Variants in PMEPA1 observed in about 807,000 individuals in gnomAD.
PMEPA1 encodes protein TMEPAI.
PMEPA1 carries 11 observed loss-of-function variants against 23.0 expected under a neutral mutation model. The ratio of observed to expected loss-of-function variants is 0.48; its 90% CI spans 0.30 to 0.79. The LOEUF is 0.79. PMEPA1 is among the 30% of genes least tolerant of loss of function. PMEPA1 has a pLI of 0.06. For missense variants in PMEPA1, 377 were observed against 390.9 expected (o/e 0.96, Z 0.30); for synonymous variants, 204 against 166.4 (o/e 1.23, Z -1.74).
intron 2 of PMEPA1, among the ~76,000 whole-genome samples, chr20:57,657,269 C>T (rs1057314773): frequency 2.0e-5 from 3 of 152,196 alleles, no homozygotes; most frequent in Admixed American, 2.0e-4. Flanking sequence ...AAGGTGAGTC[C>T]AGCCTGGAGT....
At chr20:57,659,786 C>A (rs1269641364) in intron 1 of PMEPA1, 89 bp from the exon 2 acceptor site, 2 of 1,282,672 alleles carry the variant, frequency 1.6e-6, no homozygotes, top group African/African-American at 1.5e-5. Flanking sequence ...TTTCACCCAC[C>A]TAGGGGGACG....
intron 1 of PMEPA1, among the ~76,000 whole-genome samples, chr20:57,699,223 G>A (rs556720735): frequency 1.1e-4 from 17 of 152,290 alleles, no homozygotes; most frequent in Admixed American, 7.8e-4. Flanking sequence ...GCAGCTTGAT[G>A]CAAGAAGGAG....
rs141687519 is a variant in PMEPA1, at chr20:57,663,509, C to T, written c.110-3812G>A. Among the ~76,000 whole-genome samples, 574 of 152,322 alleles carry T rather than the reference C, an allele frequency of 3.8e-3. 1 individual carries two copies. Among genetic ancestry groups the T allele is most frequent in the Middle Eastern group, 0.01 (3 of 294 alleles). ...TGCTCCCTGGAGGTGGACCCAGACACGGGATGCTCAATTCCATCCTGGCTC... is the reference window on the plus strand; with the variant it reads ...TGCTCCCTGGAGGTGGACCCAGACATGGGATGCTCAATTCCATCCTGGCTC... On this transcript the variant is annotated intron_variant, in intron 1 of 3. Coordinates refer to ENST00000341744, the MANE Select transcript of PMEPA1 (RefSeq NM_020182.5).
intron 2 of PMEPA1, among the ~76,000 whole-genome samples, chr20:57,654,507 C>T (rs908797994): frequency 3.9e-5 from 6 of 152,064 alleles, no homozygotes; most frequent in Non-Finnish European, 8.8e-5. Flanking sequence ...CGCTCCTACC[C>T]CTTAAGGAGG....
chr20:57,707,625 G>A (rs1452865299), intron 1 of PMEPA1, among the ~76,000 whole-genome samples: 1 of 151,462 alleles, frequency 6.6e-6, no homozygotes, highest in Non-Finnish European at 1.5e-5. Context: ...GCCTAAGAAA[G>A]GACAGAAATA....
At chr20:57,692,317 C>T (rs2071892845) in intron 1 of PMEPA1, among the ~76,000 whole-genome samples, 1 of 152,238 alleles carries the variant, frequency 6.6e-6, no homozygotes, top group South Asian at 2.1e-4. Flanking sequence ...GTGTGGCCTC[C>T]CCTGGACTTG....
chr20:57,675,819 C>T (rs1025723379), intron 1 of PMEPA1, among the ~76,000 whole-genome samples: 6 of 152,148 alleles, frequency 3.9e-5, no homozygotes, highest in Admixed American at 1.3e-4. Flanking sequence ...TGTCTGTCTC[C>T]GGTGTGTGAC....
Position 57,655,783 on chromosome 20 carries a change from A to G in PMEPA1, c.265-2697T>C, listed in dbSNP as rs2071318374. On this transcript the variant is annotated intron_variant, in intron 2 of 3. Coordinates refer to ENST00000341744, the MANE Select transcript of PMEPA1 (RefSeq NM_020182.5). The surrounding 1 kb of genome is among the most constrained non-coding windows in gnomAD (Gnocchi z 4.2). ...CAGTCCACCTGCGCCTTCCCCATTT[A>G]GATGCTTCTAGACCAAGGGTCTGAA... is the stretch of plus-strand genomic sequence containing the variant. Among the ~76,000 whole-genome samples, 1 of 152,196 alleles carries G rather than the reference A, an allele frequency of 6.6e-6. No individual in the cohort carries two copies. Among genetic ancestry groups the G allele is most frequent in the Non-Finnish European group, 1.5e-5 (1 of 68,028 alleles).
Position 57,688,532 on chromosome 20 carries a change from C to A in PMEPA1, c.109+20942G>T, listed in dbSNP as rs182064435. Among the ~76,000 whole-genome samples the A allele has an allele frequency of 1.1e-4, 16 of 152,302 alleles. No homozygotes were observed. The East Asian group carries it at 2.5e-3, about 24-fold the overall frequency. On this transcript the variant is annotated intron_variant, in intron 1 of 3. Transcript: ENST00000341744. ...CCAGAGTTAGAGTATCAGGAAGCCA[C>A]AAAGAACGGCAGGCAGCAAGGGCTG...
At chr20:57,676,505 C>T (rs157091) in intron 1 of PMEPA1, among the ~76,000 whole-genome samples, 53,629 of 152,108 alleles carry the variant, frequency 0.35, 10,068 homozygotes, top group South Asian at 0.44. Flanking sequence ...GTGACTGATA[C>T]TGAGCAGGTA....
At position 57,672,658 on chromosome 20, in the gene PMEPA1, G is replaced by C. The variant is rs1445107545; in HGVS notation, c.110-12961C>G. Among the ~76,000 whole-genome samples, 3 of 152,214 alleles carry C rather than the reference G, an allele frequency of 2.0e-5. No individual in the cohort carries two copies. The South Asian group carries it at 6.2e-4, about 31-fold the overall frequency. ...TATTCTCGGTCTCCCCTGGGGCAGA[G>C]GCAGGGAGGTGGGCAGATGGGCAAG... is the stretch of plus-strand genomic sequence containing the variant. On this transcript the variant is annotated intron_variant, in intron 1 of 3. Coordinates refer to ENST00000341744, the MANE Select transcript of PMEPA1 (RefSeq NM_020182.5).
rs1321615251 is a variant in PMEPA1, at chr20:57,684,876, C to T, written c.109+24598G>A. Among the ~76,000 whole-genome samples the T allele has an allele frequency of 5.3e-5, 8 of 152,150 alleles. No individual in the cohort carries two copies. The East Asian group carries it at 1.2e-3, about 22-fold the overall frequency. ...GAGCTGGGAGGGGGGGGTCTCTGCC[C>T]ACCCCTCAGAGAGAAGAAAACCTGG... On this transcript the variant is annotated intron_variant, in intron 1 of 3. Coordinates refer to ENST00000341744, the MANE Select transcript of PMEPA1 (RefSeq NM_020182.5).
rs1251915878 is a variant in PMEPA1 at position 57,652,755 on chromosome 20, C to T, written c.319-157G>A. 6.6e-6 allele frequency among the ~76,000 whole-genome samples: 1 copy of T among 152,062 alleles called. No homozygotes were observed. The highest frequency in any genetic ancestry group is 1.5e-5 in the Non-Finnish European group (1 of 67,984). On this transcript the variant is annotated intron_variant, in intron 3 of 3. Coordinates refer to ENST00000341744, the MANE Select transcript of PMEPA1 (RefSeq NM_020182.5). This position sits in a 1 kb window ranked among gnomAD's most constrained non-coding sequence, Gnocchi z 6.1. ...GGGGGCGGGAGCCCAGAGCCTGATC[C>T]CGCGGGGGCCCTGGCCTGGGGGGCA... is the stretch of plus-strand genomic sequence containing the variant.
chr20:57,655,230 C>T lies in PMEPA1; in HGVS notation c.265-2144G>A, dbSNP rs1244926291. On this transcript the variant is annotated intron_variant, in intron 2 of 3. Coordinates refer to ENST00000341744, the MANE Select transcript of PMEPA1 (RefSeq NM_020182.5). This position sits in a 1 kb window ranked among gnomAD's most constrained non-coding sequence, Gnocchi z 4.2. ...CTGGACCAATGGCCCCTCTTTCCTC[C>T]CTTTCCTGAAGAACTTTGACTGGCC... 6.6e-6 allele frequency among the ~76,000 whole-genome samples: 1 copy of T among 152,166 alleles called. No individual in the cohort carries two copies. Among genetic ancestry groups the T allele is most frequent in the Non-Finnish European group, 1.5e-5 (1 of 68,040 alleles).
At chr20:57,670,619 C>A (rs917973963) in intron 1 of PMEPA1, among the ~76,000 whole-genome samples, 1 of 152,180 alleles carries the variant, frequency 6.6e-6, no homozygotes, top group Non-Finnish European at 1.5e-5. Context: ...CCCACTTGGC[C>A]CCCTGCCCTA....
rs1477226719 is a variant in PMEPA1 at position 57,651,962 on chromosome 20, G to GC, written c.*90dup. ...GGAGGGCCACACGATGCGTTGCTGC[G>GC]CCCCCCGCCTTCCTCTCACTCCTCT... On this transcript the variant is annotated 3_prime_UTR_variant, in exon 4 of 4. Transcript: ENST00000341744. 23 of 1,112,796 alleles carry GC rather than the reference G, an allele frequency of 2.1e-5. No individual in the cohort carries two copies. The highest frequency in any genetic ancestry group is 2.7e-5 in the East Asian group (1 of 36,666). The allele number at this position is 1,112,796 out of a possible 1,614,324, so 68.9% of individuals were successfully genotyped here.
chr20:57,659,228 T>C (rs1160841925), intron 2 of PMEPA1, among the ~76,000 whole-genome samples: 23 of 152,124 alleles, frequency 1.5e-4, no homozygotes, highest in Admixed American at 1.5e-3. Context: ...TGTGCTGCCC[T>C]CTCCCCAGGC....
intron 1 of PMEPA1, among the ~76,000 whole-genome samples, chr20:57,661,023 G>A (rs1306280858): frequency 2.0e-5 from 3 of 152,140 alleles, no homozygotes; most frequent in Non-Finnish European, 4.4e-5. Context: ...CACACGCCAC[G>A]CTCAACAGGA....
chr20:57,651,970 C>A lies in PMEPA1; in HGVS notation c.*83G>T. 8.1e-7 allele frequency: 1 copy of A among 1,230,586 alleles called. No homozygotes were observed. Among genetic ancestry groups the A allele is most frequent in the South Asian group, 1.7e-5 (1 of 58,572 alleles). The allele number at this position is 1,230,586 out of a possible 1,614,324, so 76.2% of individuals were successfully genotyped here. A position where few individuals can be genotyped will look rare whatever the true frequency, so the allele number is the denominator to read the frequency against. ...ACACGATGCGTTGCTGCGCCCCCCG[C>A]CTTCCTCTCACTCCTCTTCTAAGAA... On this transcript the variant is annotated 3_prime_UTR_variant, in exon 4 of 4. Transcript: ENST00000341744.
Sources: allele counts gnomAD v4.1 joint callset (sites outside exome capture counted in the v4.1 genomes callset), GRCh38; gene constraint gnomAD v4.1.1; non-coding constraint Gnocchi (gnomAD v3.1); transcripts MANE v1.5; gene names NCBI Gene and HGNC (gene_info 2026-07-23, HGNC 2026-07-21).